PRKAG2: variants seen among roughly 807,000 people sequenced by gnomAD.
The protein encoded by PRKAG2 is protein kinase AMP-activated non-catalytic subunit gamma 2, also known as 5'-AMP-activated protein kinase subunit gamma-2.
PRKAG2 carries 26 observed loss-of-function variants against 69.6 expected under a neutral mutation model. The observed-to-expected ratio is 0.37, with a 90% CI of 0.27 to 0.52. The LOEUF is 0.52. Ranked by LOEUF, PRKAG2 falls within the 20% of genes least tolerant of loss-of-function variation. PRKAG2 has a pLI of 0.90. For synonymous variants in PRKAG2, 293 were observed against 285.0 expected (o/e 1.03, Z -0.28); for missense variants, 557 against 740.0 (o/e 0.75, Z 2.87).
At chr7:151,672,921 C>T (rs147635945) in intron 4 of PRKAG2, among the ~76,000 whole-genome samples, 95 of 152,252 alleles carry the variant, frequency 6.2e-4, no homozygotes, top group African/African-American at 2.2e-3. Context: ...CAGGACACTC[C>T]CTCTCTGATC....
chr7:151,773,205 A>AG (rs2076170907), intron 3 of PRKAG2, among the ~76,000 whole-genome samples: 1 of 150,752 alleles, frequency 6.6e-6, no homozygotes, highest in Non-Finnish European at 1.5e-5. Context: ...AAGGAAAGAA[A>AG]GAAAGGAAAG....
intron 4 of PRKAG2, among the ~76,000 whole-genome samples, chr7:151,633,923 C>CTATT (rs1333599229): frequency 2.6e-5 from 4 of 152,106 alleles, no homozygotes; most frequent in Admixed American, 6.5e-5. Flanking sequence ...CTCTAGAATT[C>CTATT]TATTTATTTA....
chr7:151,670,179 C>T (rs1271761754), intron 4 of PRKAG2, among the ~76,000 whole-genome samples: 1 of 152,230 alleles, frequency 6.6e-6, no homozygotes, highest in Non-Finnish European at 1.5e-5. Flanking sequence ...TACACCCACA[C>T]ACATGCACTC....
At chr7:151,678,957 C>CT (rs1833393718) in intron 3 of PRKAG2, among the ~76,000 whole-genome samples, 1 of 151,418 alleles carries the variant, frequency 6.6e-6, no homozygotes, top group South Asian at 2.1e-4. Flanking sequence ...GAGTGAGACT[C>CT]TGTCTCAAAA....
At position 151,557,731 on chromosome 7, in the gene PRKAG2, G is replaced by A. The variant is rs112255409; in HGVS notation, c.1679-499C>T. 290 of 443,248 alleles carry A rather than the reference G, an allele frequency of 6.5e-4. 1 individual carries two copies. Among genetic ancestry groups the A allele is most frequent in the African/African-American group, 5.4e-3 (254 of 47,226 alleles). 27.5% of individuals were successfully genotyped at this position (443,248 alleles called of 1,614,324 possible). On this transcript the variant is annotated intron_variant, in intron 15 of 15. Transcript: ENST00000287878. ...CTAAAAATACAAAAATTAGCTGGGC[G>A]TAGTGGCGGGCGCCTGTAATCCCAG...
intron 9 of PRKAG2, 23 bp from the exon 10 acceptor site, chr7:151,570,248 T>C (rs760335340): frequency 1.3e-6 from 2 of 1,596,252 alleles, no homozygotes; most frequent in African/African-American, 1.3e-5. Context: ...AAAGAAAATA[T>C]GCAGTTAGTA....
intron 1 of PRKAG2, among the ~76,000 whole-genome samples, chr7:151,874,799 G>T (rs2080347916): frequency 6.6e-6 from 1 of 152,148 alleles, no homozygotes; most frequent in African/African-American, 2.4e-5. Flanking sequence ...GAGGTGGGAG[G>T]ATCACTTGAG....
At chr7:151,772,472 G>A (rs910744609) in intron 3 of PRKAG2, among the ~76,000 whole-genome samples, 3 of 152,186 alleles carry the variant, frequency 2.0e-5, no homozygotes, top group African/African-American at 7.2e-5. Flanking sequence ...TAACAGGAAT[G>A]CATCCAGCTC....
At chr7:151,558,214 G>A in intron 15 of PRKAG2, 1 of 985,472 alleles carries the variant, frequency 1.0e-6, no homozygotes, top group African/African-American at 1.7e-5. Flanking sequence ...GTGTTATTGT[G>A]TTGAACCAGT....
chr7:151,766,049 A>T (rs1365880667), intron 3 of PRKAG2, among the ~76,000 whole-genome samples: 2 of 152,136 alleles, frequency 1.3e-5, no homozygotes, highest in Non-Finnish European at 2.9e-5. Context: ...ATCTCCAGGA[A>T]CTGTAATAAA....
Position 151,713,617 on chromosome 7 carries a change from C to G in PRKAG2, c.467-37980G>C, listed in dbSNP as rs183661879. On this transcript the variant is annotated intron_variant, in intron 3 of 15. Coordinates refer to ENST00000287878, the MANE Select transcript of PRKAG2 (RefSeq NM_016203.4). ...TTTTTTTTTTTGAGACAAAGTCTCG[C>G]TCTGTTGCCCAGGCCGGAGTGCAGT... Among the ~76,000 whole-genome samples the G allele has an allele frequency of 2.4e-3, 351 of 149,346 alleles. 1 individual carries two copies. The Middle Eastern group carries it at 0.028, about 12-fold the overall frequency.
intron 4 of PRKAG2, among the ~76,000 whole-genome samples, chr7:151,672,557 C>T (rs991129755): frequency 3.9e-5 from 6 of 152,018 alleles, no homozygotes; most frequent in Non-Finnish European, 5.9e-5. Flanking sequence ...CCCCAGCCCC[C>T]GGTACCCACC....
chr7:151,802,076 T>A (rs1011559189), intron 1 of PRKAG2, among the ~76,000 whole-genome samples: 1 of 152,158 alleles, frequency 6.6e-6, no homozygotes, highest in Non-Finnish European at 1.5e-5. Context: ...GTGTGGCCTC[T>A]GCGTGTGTCA....
chr7:151,681,290 GCCATCTTTCCAAGTTCAGAAGCTGCTC>G (rs1833855914), intron 3 of PRKAG2, among the ~76,000 whole-genome samples: 1 of 152,206 alleles, frequency 6.6e-6, no homozygotes, highest in Non-Finnish European at 1.5e-5. Context: ...CTCTATCATT[GCCATCTTTCCAAGTTCAGAAGCTGCTC>G]CCATCTTTCC....
At chr7:151,866,424 A>G (rs2080079794) in intron 1 of PRKAG2, among the ~76,000 whole-genome samples, 1 of 152,270 alleles carries the variant, frequency 6.6e-6, no homozygotes, top group African/African-American at 2.4e-5. Context: ...AATATTTCAC[A>G]TATTACTTTA....
chr7:151,702,921 C>T (rs1837968727), intron 3 of PRKAG2, among the ~76,000 whole-genome samples: 1 of 152,098 alleles, frequency 6.6e-6, no homozygotes, highest in Non-Finnish European at 1.5e-5. Flanking sequence ...CTTCCAGTTC[C>T]GAGAACTGGA....
intron 4 of PRKAG2, among the ~76,000 whole-genome samples, chr7:151,662,759 C>T (rs935381031): frequency 6.6e-6 from 1 of 151,646 alleles, no homozygotes; most frequent in African/African-American, 2.4e-5. Context: ...AAAAATTAGT[C>T]GGGCATGGTG....
In PRKAG2 at chr7:151,876,570, G is replaced by A; in HGVS notation, c.51C>T (p.Pro17=). 6.2e-7 allele frequency: 1 copy of A among 1,610,450 alleles called. No individual in the cohort carries two copies. The highest frequency in any genetic ancestry group is 8.5e-7 in the Non-Finnish European group (1 of 1,179,978). Residue 17 remains proline, a synonymous_variant, in exon 1 of 16, where the codon CCC becomes CCT. Transcript: ENST00000287878. ...DTKKKKDVSS[P]GGSGGKKNAS... The stretch of plus-strand genomic sequence containing the variant: ...CATTTTTCTTGCCGCCGCTCCCGCC[G>A]GGGCTGGAAACATCTTTTTTCTTCT...
chr7:151,694,736 T>C (rs1455312349), intron 3 of PRKAG2, among the ~76,000 whole-genome samples: 4 of 152,234 alleles, frequency 2.6e-5, no homozygotes, highest in Non-Finnish European at 5.9e-5. Context: ...TTGCTCTGTG[T>C]CTCCCAAGAG....
Sources: gnomAD v4.1 joint callset for allele counts (sites outside exome capture counted in the v4.1 genomes callset) on GRCh38, gnomAD v4.1.1 for gene constraint, MANE v1.5 for transcripts, NCBI Gene and HGNC (gene_info 2026-07-23, HGNC 2026-07-21) for gene names.